The following PDE11A variants were observed in gnomAD, a reference collection of about 807,000 sequenced individuals.
PDE11A encodes phosphodiesterase 11A.
Under a neutral mutation model 100.5 loss-of-function variants are expected in PDE11A, and 100 were observed. The observed-to-expected ratio is 1.00, with a 90% confidence interval of 0.85 to 1.18. The LOEUF (loss-of-function observed/expected upper bound fraction) is 1.18. PDE11A is among the 50% of genes most tolerant of loss of function. The pLI is 0.00. For missense variants in PDE11A, 1,141 were observed against 1,152.6 expected (o/e 0.99, Z 0.15); for synonymous variants, 381 against 420.8 (o/e 0.91, Z 1.16).
chr2:178,019,993 C>G (rs1385558913), intron 1 of PDE11A, among the ~76,000 whole-genome samples: 1 of 152,190 alleles, frequency 6.6e-6, no homozygotes, highest in Non-Finnish European at 1.5e-5. Context: ...TTGAGAAAGT[C>G]ATCACATATG....
chr2:177,658,091 G>A (rs2080417333), intron 19 of PDE11A, among the ~76,000 whole-genome samples: 1 of 152,136 alleles, frequency 6.6e-6, no homozygotes, highest in South Asian at 2.1e-4. Context: ...CACGGGGCTG[G>A]CACAGCATCA....
At chr2:177,984,017 T>G (rs2085913694) in intron 2 of PDE11A, among the ~76,000 whole-genome samples, 1 of 152,240 alleles carries the variant, frequency 6.6e-6, no homozygotes, top group Admixed American at 6.5e-5. Context: ...TTTAATGCAC[T>G]GGTGCTCGTA....
intron 2 of PDE11A, among the ~76,000 whole-genome samples, chr2:177,906,607 A>T (rs999947212): frequency 1.3e-5 from 2 of 152,130 alleles, no homozygotes; most frequent in African/African-American, 4.8e-5. Flanking sequence ...ACAAAAATCA[A>T]TGATTTTTGC....
At chr2:177,798,385 G>C (rs979579455) in intron 9 of PDE11A, among the ~76,000 whole-genome samples, 1 of 152,178 alleles carries the variant, frequency 6.6e-6, no homozygotes. Flanking sequence ...AATTTACATA[G>C]TCGTAGTCTA....
Position 177,727,668 on chromosome 2 carries a change from G to A in PDE11A, c.2033C>T (p.Ala678Val), listed in dbSNP as rs924592532. 3 of 1,586,358 alleles carry A rather than the reference G, an allele frequency of 1.9e-6. No homozygotes were observed. The highest frequency in any genetic ancestry group is 2.2e-5 in the East Asian group (1 of 44,740). The change falls in exon 12 of 20, where the codon GCG becomes GTG. Residue 678 changes from alanine to valine, a missense_variant. Coordinates refer to ENST00000286063, the MANE Select transcript of PDE11A (RefSeq NM_016953.4). Reference sequence around the variant, plus strand: ...ACTAAGCACACTTACGGTTAACATCGCGAACATCAGCTGACACACGTTGAA... The same window carrying A: ...ACTAAGCACACTTACGGTTAACATCACGAACATCAGCTGACACACGTTGAA... ...HAFNVCQLMF[A>V]MLTTAGFQDI... is the part of the protein sequence containing the mutation.
intron 5 of PDE11A, among the ~76,000 whole-genome samples, chr2:177,852,499 G>C (rs1404064163): frequency 6.6e-6 from 1 of 152,066 alleles, no homozygotes; most frequent in Non-Finnish European, 1.5e-5. Context: ...TTCCCCCTCA[G>C]CTCAGCCTGT....
At chr2:177,986,868 T>C (rs140435050) in intron 2 of PDE11A, among the ~76,000 whole-genome samples, 128 of 151,730 alleles carry the variant, frequency 8.4e-4, no homozygotes, top group African/African-American at 2.9e-3. Context: ...TAATGGTATA[T>C]ATCTCACTAG....
At chr2:178,042,145 G>A (rs2086690307) in intron 1 of PDE11A, among the ~76,000 whole-genome samples, 1 of 152,120 alleles carries the variant, frequency 6.6e-6, no homozygotes, top group Admixed American at 6.5e-5. Flanking sequence ...CTCATAAATA[G>A]TTCTTATTCA....
intron 5 of PDE11A, among the ~76,000 whole-genome samples, chr2:177,859,211 T>A (rs146010046): frequency 1.3e-5 from 2 of 151,152 alleles, no homozygotes; most frequent in Non-Finnish European, 2.9e-5. Flanking sequence ...CAAACCTGCA[T>A]GTTGTGCACA....
intron 6 of PDE11A, among the ~76,000 whole-genome samples, chr2:177,827,738 C>T (rs2083247856): frequency 1.3e-5 from 2 of 152,108 alleles, no homozygotes; most frequent in South Asian, 2.1e-4. Context: ...AATTGAATTC[C>T]GAGGCACAAT....
chr2:177,737,188 C>T (rs1259640342), intron 10 of PDE11A, among the ~76,000 whole-genome samples: 2 of 151,676 alleles, frequency 1.3e-5, no homozygotes, highest in Non-Finnish European at 2.9e-5. Flanking sequence ...TGCGGTGAGC[C>T]AAGATCACGC....
chr2:177,924,714 G>A lies in PDE11A; in HGVS notation c.1072-19527C>T, dbSNP rs543572651. On this transcript the variant is annotated intron_variant, in intron 2 of 19. Transcript: ENST00000286063. ...TTTATATGTTGATTCACATTCTGCC[G>A]GCTGTTAAGCTTTCTTTTTTTTTTT... 9.9e-5 allele frequency among the ~76,000 whole-genome samples: 15 copies of A among 151,046 alleles called. No individual in the cohort carries two copies. In the South Asian group the frequency reaches 1.7e-3, roughly 17 times the overall value.
chr2:177,660,524 A>G (rs932699120), intron 19 of PDE11A, among the ~76,000 whole-genome samples: 5 of 152,228 alleles, frequency 3.3e-5, no homozygotes, highest in Non-Finnish European at 7.3e-5. Context: ...TCTCAAGATT[A>G]CTTAGATAAC....
intron 4 of PDE11A, among the ~76,000 whole-genome samples, chr2:177,885,809 A>G (rs2105710981): frequency 6.6e-6 from 1 of 152,298 alleles, no homozygotes; most frequent in East Asian, 1.9e-4. Flanking sequence ...CTGTATGTAC[A>G]TTTACATAAG....
At chr2:177,793,178 G>A (rs1419415252) in intron 9 of PDE11A, among the ~76,000 whole-genome samples, 1 of 152,138 alleles carries the variant, frequency 6.6e-6, no homozygotes, top group Non-Finnish European at 1.5e-5. Flanking sequence ...GGCGGATAAA[G>A]ACTTCATTAG....
intron 19 of PDE11A, among the ~76,000 whole-genome samples, chr2:177,660,154 TTCTCTCTC>T (rs67756876): frequency 7.4e-6 from 1 of 134,952 alleles, no homozygotes. Context: ...TCTTTCTTTC[TTCTCTCTC>T]TCTCTCTCCT....
chr2:178,051,194 C>T (rs2086822416), intron 1 of PDE11A, among the ~76,000 whole-genome samples: 2 of 152,250 alleles, frequency 1.3e-5, no homozygotes, highest in South Asian at 4.1e-4. Context: ...AGAGTGGGGG[C>T]CAATATTCAA....
At chr2:177,652,361 G>A (rs890511727) in intron 19 of PDE11A, among the ~76,000 whole-genome samples, 1 of 152,194 alleles carries the variant, frequency 6.6e-6, no homozygotes, top group African/African-American at 2.4e-5. Context: ...TGCATGGGGA[G>A]AGGAGGGGAA....
intron 1 of PDE11A, among the ~76,000 whole-genome samples, chr2:178,047,941 G>A (rs13383696): frequency 0.011 from 1,601 of 152,200 alleles, 24 homozygotes; most frequent in African/African-American, 0.037. Flanking sequence ...GGCCTTCCAT[G>A]GCTCACTGTC....
Sources: gnomAD v4.1 joint callset for allele counts (sites outside exome capture counted in the v4.1 genomes callset) on GRCh38, gnomAD v4.1.1 for gene constraint, MANE v1.5 for transcripts, NCBI Gene and HGNC (gene_info 2026-07-23, HGNC 2026-07-21) for gene names.